The following AP1M1 variants were observed in gnomAD, a reference collection of about 807,000 sequenced individuals.
AP1M1 encodes the protein adaptor related protein complex 1 subunit mu 1.
Under a neutral mutation model 57.1 loss-of-function variants are expected in AP1M1, and 18 were observed. That is an observed-to-expected ratio of 0.32 (90% confidence interval 0.22 to 0.47). AP1M1 has a LOEUF of 0.47. Among genes scored for constraint, AP1M1 ranks in the 20% least tolerant of loss-of-function variants. The probability of loss-of-function intolerance (pLI) is 1.00; values close to 1 mark genes in which losing one functional copy is unlikely to be tolerated. For missense variants in AP1M1, 362 were observed against 593.5 expected, an observed-to-expected ratio of 0.61 and a Z score of 4.05; for synonymous variants, 241 against 237.9, an observed-to-expected ratio of 1.01 and a Z score of -0.12.
chr19:16,231,278 ACT>A (rs1376637326), intron 9 of AP1M1, among the ~76,000 whole-genome samples: 1 of 121,774 alleles, frequency 8.2e-6, no homozygotes, highest in South Asian at 2.8e-4. Context: ...ACAGAGCAAG[ACT>A]CTGTCTCAAA....
rs1033882071 is a variant in AP1M1, at chr19:16,235,813, G to A, written c.*1378G>A. 1 of 152,278 alleles carries A rather than the reference G, an allele frequency of 6.6e-6. No individual in the cohort carries two copies. The highest frequency in any genetic ancestry group is 2.4e-5 in the African/African-American group (1 of 41,444). 9.4% of individuals were successfully genotyped at this position (152,278 alleles called of 1,614,324 possible). On this transcript the variant is annotated 3_prime_UTR_variant, in exon 12 of 12. Coordinates refer to ENST00000291439, the MANE Select transcript of AP1M1 (RefSeq NM_032493.4). ...CTGTGAACTGCTACTTGGTCCATGG[G>A]GGAAATAGCACATATGCAGGAAGTG... is the stretch of plus-strand genomic sequence containing the variant.
rs1388691997 is a variant in AP1M1, at chr19:16,242,087, G to A, written c.*7652G>A. The stretch of plus-strand genomic sequence containing the variant: ...CAGTGCTTTGGGAGGCTGAGGCTGA[G>A]ACAGGTGAATTGCTTGAGCCTAGGA... On this transcript the variant is annotated 3_prime_UTR_variant, in exon 12 of 12. Transcript: ENST00000291439. 1 of 152,232 alleles carries A rather than the reference G, an allele frequency of 6.6e-6. No individual in the cohort carries two copies. The highest frequency in any genetic ancestry group is 6.6e-5 in the Admixed American group (1 of 15,252). 9.4% of individuals were successfully genotyped at this position (152,232 alleles called of 1,614,324 possible).
intron 9 of AP1M1, 136 bp downstream of exon 9, chr19:16,229,064 G>T (rs1454092380): frequency 6.8e-6 from 7 of 1,023,600 alleles, no homozygotes; most frequent in Admixed American, 2.4e-5. Context: ...GCTTCTGAAA[G>T]GGTGGACGGA....
At chr19:16,223,521 G>A (rs1042023010) in intron 5 of AP1M1, among the ~76,000 whole-genome samples, 2 of 152,206 alleles carry the variant, frequency 1.3e-5, no homozygotes, top group African/African-American at 2.4e-5. Context: ...AAAGGACAAC[G>A]GTTGCCCCAC....
At chr19:16,229,801 T>C (rs933618752) in intron 9 of AP1M1, among the ~76,000 whole-genome samples, 15 of 152,324 alleles carry the variant, frequency 9.8e-5, no homozygotes, top group African/African-American at 2.6e-4. Context: ...TCCTCACCTT[T>C]CTTTCTGCGT....
At chr19:16,213,346 CTTT>C (rs1457459147) in intron 5 of AP1M1, among the ~76,000 whole-genome samples, 2 of 152,144 alleles carry the variant, frequency 1.3e-5, no homozygotes, top group African/African-American at 2.4e-5. Flanking sequence ...CAATGCACTT[CTTT>C]GTCTTTTTTT....
chr19:16,209,050 A>G lies in AP1M1; in HGVS notation c.419A>G (p.His140Arg). Residue 140 changes from histidine (H) to arginine (R), a missense_variant, in exon 5 of 12, where the codon CAC (histidine) becomes CGC (arginine). Transcript: ENST00000291439. ...ILQEYITQEG[H>R]KLETGAPRPP... Reference sequence around the variant, plus strand: ...CACAGGTACATCACTCAGGAAGGCCACAAGCTGGAAACAGGGGCCCCGCGG... The same window carrying G: ...CACAGGTACATCACTCAGGAAGGCCGCAAGCTGGAAACAGGGGCCCCGCGG... 6.2e-7 allele frequency: 1 copy of G among 1,614,096 alleles called. No individual in the cohort carries two copies. Among genetic ancestry groups the G allele is most frequent in the South Asian group, 1.1e-5 (1 of 91,086 alleles).
At chr19:16,221,348 G>T (rs149871868) in intron 5 of AP1M1, among the ~76,000 whole-genome samples, 1 of 152,132 alleles carries the variant, frequency 6.6e-6, no homozygotes, top group African/African-American at 2.4e-5. Context: ...CTGCAGAAAG[G>T]GTGCTCCTCG....
rs1250316786 is a variant in AP1M1 at position 16,245,849 on chromosome 19, G to A, written c.*11414G>A. On this transcript the variant is annotated 3_prime_UTR_variant, in exon 12 of 12. Transcript: ENST00000291439. ...AAAAAAGTCATTGCTTGAATGATGA[G>A]AGCTTATATTTAAAAAGGCAGGGGG... 2.6e-5 allele frequency: 4 copies of A among 151,970 alleles called. No individual in the cohort carries two copies. The highest frequency in any genetic ancestry group is 5.9e-5 in the Non-Finnish European group (4 of 67,988). The allele number at this position is 151,970 out of a possible 1,614,324, so 9.4% of individuals were successfully genotyped here.
rs2091475315 is a variant in AP1M1 at position 16,207,773 on chromosome 19, A to AAC, written c.268-245_268-244dup. On this transcript the variant is annotated intron_variant, in intron 3 of 11. Coordinates refer to ENST00000291439, the MANE Select transcript of AP1M1 (RefSeq NM_032493.4). The surrounding 1 kb of genome is among the most constrained non-coding windows in gnomAD (Gnocchi z 4.2). ...GTGTCTGGGCAGGGAAGAGAATGGG[A>AAC]ACGCAGAGCTTCTGAAGGCCTCGGG... 6.6e-6 allele frequency among the ~76,000 whole-genome samples: 1 copy of AAC among 152,042 alleles called. No individual in the cohort carries two copies. Among genetic ancestry groups the AAC allele is most frequent in the South Asian group, 2.1e-4 (1 of 4,818 alleles).
At position 16,203,747 on chromosome 19, in the gene AP1M1, C is replaced by T; in HGVS notation, c.199+132C>T. ...TGGACACAGCCATGCCCTCCTGGAG[C>T]TCCCTGCTGCCTGCGGAGACAGGCA... On this transcript the variant is annotated intron_variant, in intron 2 of 11. Coordinates refer to ENST00000291439, the MANE Select transcript of AP1M1 (RefSeq NM_032493.4). The surrounding 1 kb of genome is among the most constrained non-coding windows in gnomAD (Gnocchi z 4.6). The T allele has an allele frequency of 1.1e-6, 1 of 932,206 alleles. No individual in the cohort carries two copies. Among genetic ancestry groups the T allele is most frequent in the Non-Finnish European group, 1.6e-6 (1 of 623,634 alleles). The allele number at this position is 932,206 out of a possible 1,614,324, so 57.7% of individuals were successfully genotyped here.
In AP1M1 at chr19:16,226,563, A is replaced by G. The variant is rs1005555130; in HGVS notation, c.673+16A>G. 3 of 1,570,532 alleles carry G rather than the reference A, an allele frequency of 1.9e-6. No individual in the cohort carries two copies. In the African/African-American group the frequency reaches 4.0e-5, roughly 21 times the overall value. ...AACACGGGCCGTGAGTACCCTTGCC[A>G]AGGGCCCTGCCCATGAGGATGGCCT... On this transcript the variant is annotated intron_variant, in intron 6 of 11. Coordinates refer to ENST00000291439, the MANE Select transcript of AP1M1 (RefSeq NM_032493.4).
chr19:16,199,017 A>C (rs1028903267), intron 1 of AP1M1, among the ~76,000 whole-genome samples: 1 of 152,132 alleles, frequency 6.6e-6, no homozygotes, highest in Non-Finnish European at 1.5e-5. Context: ...CATGTTGACC[A>C]GGCTGGTCTC....
intron 5 of AP1M1, among the ~76,000 whole-genome samples, chr19:16,222,355 GCACC>G (rs1173501245): frequency 2.0e-5 from 3 of 151,526 alleles, no homozygotes; most frequent in African/African-American, 7.3e-5. Flanking sequence ...CTACAGGTGT[GCACC>G]ACCAAGCCTG....
chr19:16,228,269 C>T lies in AP1M1; in HGVS notation c.888+61C>T. On this transcript the variant is annotated intron_variant, in intron 8 of 11. Coordinates refer to ENST00000291439, the MANE Select transcript of AP1M1 (RefSeq NM_032493.4). This position sits in a 1 kb window ranked among gnomAD's most constrained non-coding sequence, Gnocchi z 5.0. ...GGTGTCTCTGGCCCGTCCCAGGAGC[C>T]TAACCGAGGGCTGGGGGTGCCGTAG... The T allele has an allele frequency of 6.4e-7, 1 of 1,558,694 alleles. No homozygotes were observed.
In AP1M1 at chr19:16,203,497, G is replaced by C; in HGVS notation, c.81G>C (p.Met27Ile). The change falls in exon 2 of 12, where the codon ATG (methionine) becomes ATC (isoleucine). Residue 27 changes from methionine (M) to isoleucine (I), a missense_variant. Met to Ile is a conservative substitution (Grantham distance 10, BLOSUM62 1). Transcript: ENST00000291439. This position sits in a 1 kb window ranked among gnomAD's most constrained non-coding sequence, Gnocchi z 4.6. ...GGAACTACCGTGGCGACGTGGACATGTCAGAGGTGGAGCACTTCATGCCCA... is the reference window on the plus strand; with the variant it reads ...GGAACTACCGTGGCGACGTGGACATCTCAGAGGTGGAGCACTTCATGCCCA... ...ICRNYRGDVD[M>I]SEVEHFMPIL... is the part of the protein sequence containing the mutation. 3 of 1,614,210 alleles carry C rather than the reference G, an allele frequency of 1.9e-6. No individual in the cohort carries two copies. In the South Asian group the frequency reaches 3.3e-5, roughly 18 times the overall value.
chr19:16,204,759 G>T (rs1183319729), intron 2 of AP1M1, among the ~76,000 whole-genome samples: 1 of 152,032 alleles, frequency 6.6e-6, no homozygotes, highest in African/African-American at 2.4e-5. Flanking sequence ...AGGGCTCCCT[G>T]TGGTGTGCCT....
chr19:16,221,898 C>T (rs1371659073), intron 5 of AP1M1, among the ~76,000 whole-genome samples: 1 of 152,082 alleles, frequency 6.6e-6, no homozygotes, highest in Non-Finnish European at 1.5e-5. Context: ...GTCGATCAGG[C>T]TGGTCTCAAG....
At chr19:16,230,286 C>G (rs1240188878) in intron 9 of AP1M1, among the ~76,000 whole-genome samples, 1 of 152,170 alleles carries the variant, frequency 6.6e-6, no homozygotes, top group African/African-American at 2.4e-5. Context: ...TGTCATTATT[C>G]CAACAGCATG....
Sources: gnomAD v4.1 joint callset for allele counts (sites outside exome capture counted in the v4.1 genomes callset) on GRCh38, gnomAD v4.1.1 for gene constraint, Gnocchi (gnomAD v3.1) non-coding constraint, MANE v1.5 for transcripts, NCBI Gene and HGNC (gene_info 2026-07-23, HGNC 2026-07-21) for gene names.